The following TRA2B variants were observed in gnomAD, a reference collection of about 807,000 sequenced individuals.
TRA2B encodes the protein transformer 2 beta homolog.
Under a neutral mutation model 41.7 loss-of-function variants are expected in TRA2B, and 14 were observed. The observed-to-expected ratio is 0.34, with a 90% CI of 0.22 to 0.53. The LOEUF (loss-of-function observed/expected upper bound fraction) is 0.53. Ranked by LOEUF, TRA2B falls within the 20% of genes least tolerant of loss-of-function variation. TRA2B has a pLI of 0.95. For synonymous variants in TRA2B, 130 were observed against 128.8 expected, an observed-to-expected ratio of 1.01 and a Z score of -0.06; for missense variants, 167 against 396.8, an observed-to-expected ratio of 0.42 and a Z score of 4.92.
intron 1 of TRA2B, chr3:185,928,493 A>C (rs755392671): frequency 6.6e-6 from 1 of 152,194 alleles, no homozygotes; most frequent in Non-Finnish European, 1.5e-5. Context: ...CTTCCAATTA[A>C]CAACAATCCC....
At chr3:185,926,904 A>G in intron 1 of TRA2B, 170 bp from the exon 2 acceptor site, 1 of 737,828 alleles carries the variant, frequency 1.4e-6, no homozygotes, top group Middle Eastern at 4.2e-4. Flanking sequence ...ATTGCTCCAA[A>G]TGACATAAGT....
rs370636250 is a variant in TRA2B at position 185,925,631 on chromosome 3, A to G, written c.171-5T>C. 205 of 1,611,498 alleles carry G rather than the reference A, an allele frequency of 1.3e-4. No homozygotes were observed. The highest frequency in any genetic ancestry group is 1.7e-4 in the Non-Finnish European group (201 of 1,179,108). ...GAGCTTCTTCTGGATCTAGACCTGC[A>G]AGACAAAGACCTCCTAAGGTTATGA... On this transcript the variant is annotated splice_polypyrimidine_tract_variant and splice_region_variant and intron_variant, in intron 2 of 8. Transcript: ENST00000453386.
Position 185,937,963 on chromosome 3 carries a change from TCGCC to T in TRA2B, c.-107_-104del, listed in dbSNP as rs1226476552. ...GCCGCAGCCCCGCACGACGCGCCGG[TCGCC>T]CAGCCGCTCAGAGCCGAAATGCTCC... On this transcript the variant is annotated 5_prime_UTR_variant, in exon 1 of 9. Coordinates refer to ENST00000453386, the MANE Select transcript of TRA2B (RefSeq NM_004593.3). 6.9e-7 allele frequency: 1 copy of T among 1,442,062 alleles called. No individual in the cohort carries two copies. The highest frequency in any genetic ancestry group is 9.6e-7 in the Non-Finnish European group (1 of 1,046,522). The allele number at this position is 1,442,062 out of a possible 1,614,324, so 89.3% of individuals were successfully genotyped here. A position where few individuals can be genotyped will look rare whatever the true frequency, so the allele number is the denominator to read the frequency against.
Position 185,917,496 on chromosome 3 carries a change from A to C in TRA2B, c.*219T>G, listed in dbSNP as rs971945529. 2.4e-5 allele frequency: 12 copies of C among 494,606 alleles called. No individual in the cohort carries two copies. The highest frequency in any genetic ancestry group is 4.0e-5 in the Non-Finnish European group (11 of 275,372). 30.6% of individuals were successfully genotyped at this position (494,606 alleles called of 1,614,324 possible). ...GACTGTAAAAAAATACATGCAAAAC[A>C]TACTTTTCTGAAAACACTTAACTTG... On this transcript the variant is annotated 3_prime_UTR_variant, in exon 9 of 9. Coordinates refer to ENST00000453386, the MANE Select transcript of TRA2B (RefSeq NM_004593.3).
At chr3:185,918,154 G>A (rs748680627) in intron 8 of TRA2B, among the ~76,000 whole-genome samples, 2 of 152,182 alleles carry the variant, frequency 1.3e-5, no homozygotes, top group Non-Finnish European at 2.9e-5. Context: ...CTCTGGCTCA[G>A]GAGGCTGTCC....
At chr3:185,926,019 T>TA (rs1348929582) in intron 2 of TRA2B, among the ~76,000 whole-genome samples, 1 of 151,760 alleles carries the variant, frequency 6.6e-6, no homozygotes, top group Admixed American at 6.6e-5. Context: ...CCCCAGCAGT[T>TA]AAAAAAACAA....
At chr3:185,919,164 A>C (rs1469539429) in intron 7 of TRA2B, among the ~76,000 whole-genome samples, 2 of 142,008 alleles carry the variant, frequency 1.4e-5, no homozygotes, top group Non-Finnish European at 3.0e-5. Flanking sequence ...ATACAAGAAC[A>C]TAATGACAAA....
Position 185,915,310 on chromosome 3 carries a change from GTCTCAGCCCTACAGCTATAAGA to G in TRA2B, c.*2383_*2404del. On this transcript the variant is annotated 3_prime_UTR_variant, in exon 9 of 9. Coordinates refer to ENST00000453386, the MANE Select transcript of TRA2B (RefSeq NM_004593.3). ...ATGAACTTTACATTTGGTTTTAGTA[GTCTCAGCCCTACAGCTATAAGA>G]AATGGATTGTTTGTATTGGCATATA... Among the ~76,000 whole-genome samples the G allele has an allele frequency of 6.6e-6, 1 of 152,222 alleles. No individual in the cohort carries two copies. The highest frequency in any genetic ancestry group is 1.5e-5 in the Non-Finnish European group (1 of 68,046).
At position 185,918,456 on chromosome 3, in the gene TRA2B, G is replaced by A; in HGVS notation, c.783-18C>T. 6.3e-7 allele frequency: 1 copy of A among 1,579,160 alleles called. No homozygotes were observed. The highest frequency in any genetic ancestry group is 8.7e-7 in the Non-Finnish European group (1 of 1,148,902). On this transcript the variant is annotated intron_variant, in intron 7 of 8. Transcript: ENST00000453386. ...ACCGCCTTCTATAAACAAATGTCAA[G>A]ATTGTCTAAGTCTCAATAGATCACA...
intron 5 of TRA2B, 96 bp from the exon 6 acceptor site, chr3:185,921,283 A>C: frequency 9.7e-7 from 1 of 1,027,402 alleles, no homozygotes. Flanking sequence ...TTAACTGGAA[A>C]ATGAAAATTA....
chr3:185,937,040 T>A (rs1667370513), intron 1 of TRA2B: 1 of 985,212 alleles, frequency 1.0e-6, no homozygotes, highest in African/African-American at 1.7e-5. Flanking sequence ...TCCTTCACAA[T>A]CCCGTGGAAA....
intron 4 of TRA2B, 149 bp from the exon 5 acceptor site, chr3:185,922,275 G>C: frequency 2.1e-6 from 1 of 478,366 alleles, no homozygotes; most frequent in Non-Finnish European, 3.7e-6. Context: ...ACTTACAAAT[G>C]TGTTGTTCCC....
intron 1 of TRA2B, among the ~76,000 whole-genome samples, chr3:185,929,720 T>C (rs1348095749): frequency 6.6e-6 from 1 of 152,202 alleles, no homozygotes; most frequent in Non-Finnish European, 1.5e-5. Flanking sequence ...CCCTGTATTA[T>C]TTTAAAAACT....
Position 185,917,622 on chromosome 3 carries a change from G to A in TRA2B, c.*93C>T, listed in dbSNP as rs1415384820. 7.2e-6 allele frequency: 10 copies of A among 1,386,306 alleles called. No homozygotes were observed. The highest frequency in any genetic ancestry group is 1.0e-5 in the Non-Finnish European group (10 of 986,440). 85.9% of individuals were successfully genotyped at this position (1,386,306 alleles called of 1,614,324 possible). ...GTGTAAAAGTCACCTAACTTCACTA[G>A]GCACTGTTCACTTTTTAAACAAGAG... On this transcript the variant is annotated 3_prime_UTR_variant, in exon 9 of 9. Coordinates refer to ENST00000453386, the MANE Select transcript of TRA2B (RefSeq NM_004593.3).
intron 4 of TRA2B, 50 bp downstream of exon 4, chr3:185,923,746 G>A (rs945183723): frequency 6.7e-7 from 1 of 1,498,976 alleles, no homozygotes; most frequent in Non-Finnish European, 9.0e-7. Context: ...CTGATAACTT[G>A]GCGTTAACAA....
intron 4 of TRA2B, chr3:185,922,627 G>A (rs973558571): frequency 6.6e-6 from 1 of 152,376 alleles, no homozygotes; most frequent in Non-Finnish European, 1.5e-5. Flanking sequence ...GAGATCCTAT[G>A]ACTGAAACCT....
chr3:185,937,112 G>C (rs1744392408), intron 1 of TRA2B: 1 of 985,430 alleles, frequency 1.0e-6, no homozygotes, highest in Non-Finnish European at 1.2e-6. Context: ...TACTGATACA[G>C]ATTTTTGCCT....
chr3:185,934,353 T>C lies in TRA2B; in HGVS notation c.36+3472A>G, dbSNP rs930707649. ...AGAGAAAGGAGGAAAAAACGCTATG[T>C]AAGGCAAATCCCATTAACACTTCCC... is the stretch of plus-strand genomic sequence containing the variant. On this transcript the variant is annotated intron_variant, in intron 1 of 8. Transcript: ENST00000453386. 4 of 985,282 alleles carry C rather than the reference T, an allele frequency of 4.1e-6. No homozygotes were observed. The South Asian group carries it at 1.9e-4, about 46-fold the overall frequency. 61.0% of individuals were successfully genotyped at this position (985,282 alleles called of 1,614,324 possible).
intron 1 of TRA2B, among the ~76,000 whole-genome samples, chr3:185,930,545 T>C (rs1380073320): frequency 1.3e-5 from 2 of 152,182 alleles, no homozygotes; most frequent in African/African-American, 4.8e-5. Context: ...AAGACATGTG[T>C]GACATGATAC....
Sources: gnomAD v4.1 joint callset for allele counts (sites outside exome capture counted in the v4.1 genomes callset) on GRCh38, gnomAD v4.1.1 for gene constraint, MANE v1.5 for transcripts, NCBI Gene and HGNC (gene_info 2026-07-23, HGNC 2026-07-21) for gene names.